Variants in MED16 observed in about 807,000 individuals in gnomAD.
The protein encoded by MED16 is mediator of RNA polymerase II transcription subunit 16.
MED16 carries 81 observed loss-of-function variants against 84.4 expected under a neutral mutation model. The observed-to-expected ratio is 0.96, with a 90% CI of 0.80 to 1.15. MED16 has a LOEUF of 1.15. Ranked by LOEUF, MED16 falls within the 50% of genes most tolerant of loss-of-function variation. The pLI is 0.00. For missense variants in MED16, 1,585 were observed against 1,245.9 expected (o/e 1.27, Z -4.10); for synonymous variants, 897 against 552.2 (o/e 1.62, Z -8.76).
chr19:884,979 G>C lies in MED16; in HGVS notation c.909C>G (p.Ser303Arg). Residue 303 changes from serine (S) to arginine (R), a missense_variant, in exon 6 of 16, where the codon AGC becomes AGG. Physicochemically the swap from Ser to Arg is moderately radical, Grantham distance 110. Transcript: ENST00000325464. ...GCAGGGACCAGCACTCCACGATGCT[G>C]CTGGTCTGGCTGGACGCGCACAAAA... ...QVLLCASSQT[S>R]SIVECWSLRK... The C allele has an allele frequency of 6.2e-7, 1 of 1,606,236 alleles. No individual in the cohort carries two copies. Among genetic ancestry groups the C allele is most frequent in the Non-Finnish European group, 8.5e-7 (1 of 1,178,438 alleles).
rs549275659 is a variant in MED16 at position 877,460 on chromosome 19, G to A, written c.1354-280C>T. Among the ~76,000 whole-genome samples the A allele has an allele frequency of 1.4e-3, 216 of 151,838 alleles. 2 individuals are homozygous for A. The highest frequency in any genetic ancestry group is 5.0e-3 in the African/African-American group (208 of 41,374). ...CTGCTTTACCTGAGGAGTCTACCCC[G>A]TGAAAGGCGGTCCTCTCAACAGCTC... On this transcript the variant is annotated intron_variant, in intron 8 of 15. Transcript: ENST00000325464.
At chr19:875,723 G>A (rs773437277) in intron 9 of MED16, among the ~76,000 whole-genome samples, 25 of 152,268 alleles carry the variant, frequency 1.6e-4, no homozygotes, top group Admixed American at 2.6e-4. Flanking sequence ...TGTCACCACT[G>A]GGGGTGCCCC....
chr19:868,288 G>A (rs898539656), intron 15 of MED16, 37 bp from the exon 16 acceptor site: 8 of 1,588,748 alleles, frequency 5.0e-6, no homozygotes, highest in South Asian at 1.1e-5. Context: ...GCCGAGGAGA[G>A]TCCAGGGCGA....
At chr19:880,458 G>C (rs1042632713) in intron 7 of MED16, among the ~76,000 whole-genome samples, 2 of 152,218 alleles carry the variant, frequency 1.3e-5, no homozygotes, top group Non-Finnish European at 2.9e-5. Flanking sequence ...CACTACAGGT[G>C]GGGGACCAAG....
chr19:871,380 G>A, intron 12 of MED16, 127 bp from the exon 13 acceptor site: 11 of 1,309,328 alleles, frequency 8.4e-6, no homozygotes, highest in Middle Eastern at 4.9e-4. Flanking sequence ...CTGCCTGGCT[G>A]GGTGACCCCG....
At chr19:880,876 G>A (rs2036406808) in intron 7 of MED16, among the ~76,000 whole-genome samples, 1 of 145,242 alleles carries the variant, frequency 6.9e-6, no homozygotes, top group Non-Finnish European at 1.5e-5. Flanking sequence ...AGTGAGCCGA[G>A]ATCACACCAC....
chr19:883,557 G>A lies in MED16; in HGVS notation c.985+1346C>T, dbSNP rs182905956. 3.3e-5 allele frequency among the ~76,000 whole-genome samples: 5 copies of A among 152,288 alleles called. No individual in the cohort carries two copies. The East Asian group carries it at 9.6e-4, about 29-fold the overall frequency. On this transcript the variant is annotated intron_variant, in intron 6 of 15. Coordinates refer to ENST00000325464, the MANE Select transcript of MED16 (RefSeq NM_005481.3). ...CTGTCCCAGTGACCCCCAGCTGCCA[G>A]GGATGTGAGACCTGAGAAAGGCTGT...
chr19:878,354 C>G (rs1445186331), intron 8 of MED16, among the ~76,000 whole-genome samples: 166 of 87,556 alleles, frequency 1.9e-3, no homozygotes, highest in Middle Eastern at 0.01. Flanking sequence ...TGTCAATGCC[C>G]ACCAGCCCCA....
At chr19:886,907 T>A (rs1040373062) in intron 4 of MED16, among the ~76,000 whole-genome samples, 2 of 151,942 alleles carry the variant, frequency 1.3e-5, no homozygotes, top group African/African-American at 4.8e-5. Flanking sequence ...AAAAGCCTGT[T>A]GCTAATAAAA....
chr19:867,972 A>G lies in MED16; in HGVS notation c.*129T>C. 1 of 1,262,756 alleles carries G rather than the reference A, an allele frequency of 7.9e-7. No individual in the cohort carries two copies. Among genetic ancestry groups the G allele is most frequent in the Admixed American group, 2.8e-5 (1 of 35,886 alleles). The allele number at this position is 1,262,756 out of a possible 1,614,324, so 78.2% of individuals were successfully genotyped here. On this transcript the variant is annotated 3_prime_UTR_variant, in exon 16 of 16. Transcript: ENST00000325464. ...GGCAGGGACGCGGGCCTGGGCGCAGAGGGCGTTTATTGGACCTGTCCTTCC... is the reference window on the plus strand; with the variant it reads ...GGCAGGGACGCGGGCCTGGGCGCAGGGGGCGTTTATTGGACCTGTCCTTCC...
At chr19:888,034 C>T (rs1323875382) in intron 4 of MED16, among the ~76,000 whole-genome samples, 2 of 151,558 alleles carry the variant, frequency 1.3e-5, no homozygotes, top group Non-Finnish European at 2.9e-5. Flanking sequence ...GAAACCCGGT[C>T]CCTACTAAAA....
rs1020503561 is a variant in MED16, at chr19:871,022, C to G, written c.2315+15G>C. ...GGAGTCCTGTGTTTGGGGACCAATG[C>G]AGGGACACACGCACCTGGCGAGGCC... On this transcript the variant is annotated intron_variant, in intron 13 of 15. Coordinates refer to ENST00000325464, the MANE Select transcript of MED16 (RefSeq NM_005481.3). 6.5e-7 allele frequency: 1 copy of G among 1,534,288 alleles called. No individual in the cohort carries two copies. The highest frequency in any genetic ancestry group is 1.4e-5 in the African/African-American group (1 of 72,802).
chr19:872,806 A>G, intron 11 of MED16: 1 of 266,192 alleles, frequency 3.8e-6, no homozygotes, highest in Non-Finnish European at 6.0e-6. Context: ...CAGCAGAAGC[A>G]AGGCGAACCG....
chr19:871,326 A>C, intron 12 of MED16, 73 bp from the exon 13 acceptor site: 4 of 1,439,454 alleles, frequency 2.8e-6, no homozygotes, highest in Non-Finnish European at 3.7e-6. Context: ...ACGTGCTGGG[A>C]GCCCCTCCAG....
chr19:891,043 C>T lies in MED16; in HGVS notation c.89G>A (p.Cys30Tyr). Residue 30 changes from cysteine to tyrosine, a missense_variant, in exon 2 of 16, where the codon TGC becomes TAC. Physicochemically the swap from Cys to Tyr is radical, Grantham distance 194. Transcript: ENST00000325464. ...EWEKWSKSTH[C>Y]PSVPLACAWS... ...GGCGCAGGCCAGGGGCACCGATGGG[C>T]AGTGGGTGCTCTTGGACCATTTCTC... 1 of 1,614,106 alleles carries T rather than the reference C, an allele frequency of 6.2e-7. No homozygotes were observed. The highest frequency in any genetic ancestry group is 8.5e-7 in the Non-Finnish European group (1 of 1,180,012).
intron 4 of MED16, among the ~76,000 whole-genome samples, chr19:886,800 G>A (rs113193194): frequency 0.018 from 2,781 of 152,326 alleles, 73 homozygotes; most frequent in African/African-American, 0.063. Context: ...TCTTGGCTGC[G>A]CACGGTGGCT....
At chr19:882,758 G>A (rs975489442) in intron 6 of MED16, among the ~76,000 whole-genome samples, 4 of 152,248 alleles carry the variant, frequency 2.6e-5, no homozygotes, top group Admixed American at 2.0e-4. Flanking sequence ...CTCAGTTTGG[G>A]GCTGGCTTGT....
rs576577904 is a variant in MED16, at chr19:882,152, C to T, written c.986-438G>A. On this transcript the variant is annotated intron_variant, in intron 6 of 15. Coordinates refer to ENST00000325464, the MANE Select transcript of MED16 (RefSeq NM_005481.3). ...CAGATCCGCTGCCTGACAGCCCCTG[C>T]GTGAAGACGCAGCTCCTCCCAACAG... Among the ~76,000 whole-genome samples the T allele has an allele frequency of 3.9e-5, 6 of 152,368 alleles. No homozygotes were observed. The South Asian group carries it at 6.2e-4, about 16-fold the overall frequency.
At chr19:871,608 GGAAGTGGCTGCCATCC>G (rs758871448) in intron 12 of MED16, 1 of 1,595,842 alleles carries the variant, frequency 6.3e-7, no homozygotes, top group Non-Finnish European at 8.5e-7. Flanking sequence ...ACAGGTGCCT[GGAAGTGGCTGCCATCC>G]CAAAAGCACC....
Sources: gnomAD v4.1 joint callset for allele counts (sites outside exome capture counted in the v4.1 genomes callset) on GRCh38, gnomAD v4.1.1 for gene constraint, MANE v1.5 for transcripts, NCBI Gene and HGNC (gene_info 2026-07-23, HGNC 2026-07-21) for gene names.